CEP128: variants seen among roughly 807,000 people sequenced by gnomAD.
CEP128 encodes centrosomal protein 128.
CEP128 carries 132 observed loss-of-function variants against 156.7 expected under a neutral mutation model. That is an observed-to-expected ratio of 0.84 (90% CI 0.73 to 0.97). The LOEUF is 0.97. CEP128 is among the 50% of genes least tolerant of loss of function. The pLI is 0.00. For synonymous variants in CEP128, 469 were observed against 448.9 expected (o/e 1.04, Z -0.57); for missense variants, 1,252 against 1,281.9 (o/e 0.98, Z 0.36).
intron 19 of CEP128, among the ~76,000 whole-genome samples, chr14:80,726,588 G>A (rs1898029041): frequency 6.6e-6 from 1 of 152,178 alleles, no homozygotes. Context: ...ACACTCCAAA[G>A]ACACTAACAG....
intron 21 of CEP128, among the ~76,000 whole-genome samples, chr14:80,534,824 CAAAAA>C (rs371773612): frequency 1.7e-5 from 1 of 60,132 alleles, no homozygotes; most frequent in Non-Finnish European, 3.0e-5. Flanking sequence ...GATTCCGTCT[CAAAAA>C]AAAAAAAAAA....
At chr14:80,954,397 C>T (rs1188295239) in intron 2 of CEP128, among the ~76,000 whole-genome samples, 1 of 152,090 alleles carries the variant, frequency 6.6e-6, no homozygotes, top group Non-Finnish European at 1.5e-5. Context: ...TCGCGAGACA[C>T]TTGGTTCGTT....
intron 20 of CEP128, among the ~76,000 whole-genome samples, chr14:80,579,158 C>T (rs762415205): frequency 1.3e-5 from 2 of 152,120 alleles, no homozygotes; most frequent in Non-Finnish European, 2.9e-5. Flanking sequence ...TCTGGGTAAA[C>T]ACAACACACA....
At chr14:80,522,687 T>C (rs1311257351) in intron 23 of CEP128, among the ~76,000 whole-genome samples, 3 of 152,216 alleles carry the variant, frequency 2.0e-5, no homozygotes, top group Non-Finnish European at 4.4e-5. Flanking sequence ...CCTCTGTGAA[T>C]TCAAATTAGT....
At chr14:80,705,073 C>A (rs1196754372) in intron 19 of CEP128, among the ~76,000 whole-genome samples, 1 of 151,476 alleles carries the variant, frequency 6.6e-6, no homozygotes, top group Non-Finnish European at 1.5e-5. Context: ...ATATTGTAAA[C>A]ATAACTATAA....
At chr14:80,529,696 G>C (rs889690803) in intron 22 of CEP128, among the ~76,000 whole-genome samples, 1 of 152,158 alleles carries the variant, frequency 6.6e-6, no homozygotes, top group African/African-American at 2.4e-5. Flanking sequence ...ATCACACTGG[G>C]TTGTTTAAGA....
intron 21 of CEP128, among the ~76,000 whole-genome samples, chr14:80,543,383 C>G (rs142603239): frequency 6.6e-6 from 1 of 152,098 alleles, no homozygotes; most frequent in African/African-American, 2.4e-5. Context: ...TTAAAAGTAC[C>G]AATAATCTGA....
chr14:80,917,308 C>A (rs1448417565), intron 2 of CEP128, among the ~76,000 whole-genome samples: 1 of 151,818 alleles, frequency 6.6e-6, no homozygotes, highest in Non-Finnish European at 1.5e-5. Context: ...TTCAGGAAAC[C>A]TTTTAATAGA....
At chr14:80,692,306 T>C (rs1896746553) in intron 19 of CEP128, among the ~76,000 whole-genome samples, 2 of 152,202 alleles carry the variant, frequency 1.3e-5, no homozygotes, top group Admixed American at 6.5e-5. Context: ...CTCTAAATCA[T>C]ATCCAGAAAT....
At chr14:80,908,719 C>T (rs1884032666) in intron 4 of CEP128, among the ~76,000 whole-genome samples, 1 of 152,154 alleles carries the variant, frequency 6.6e-6, no homozygotes, top group Non-Finnish European at 1.5e-5. Context: ...AGACATTTTA[C>T]ATGAGAAGTT....
chr14:80,805,497 C>T (rs1884124681), intron 13 of CEP128, among the ~76,000 whole-genome samples: 1 of 152,040 alleles, frequency 6.6e-6, no homozygotes, highest in African/African-American at 2.4e-5. Context: ...AGTTTTATTT[C>T]CAGTACTAAC....
At chr14:80,810,453 CAT>C (rs1293665681) in intron 13 of CEP128, among the ~76,000 whole-genome samples, 1 of 148,322 alleles carries the variant, frequency 6.7e-6, no homozygotes, top group Non-Finnish European at 1.5e-5. Context: ...CATATTAAAA[CAT>C]ATAGATTGAC....
In CEP128 at chr14:80,587,974, G is replaced by C. The variant is rs575634744; in HGVS notation, c.2807-7551C>G. Among the ~76,000 whole-genome samples the C allele has an allele frequency of 3.3e-5, 5 of 152,106 alleles. 1 individual carries two copies. The East Asian group carries it at 9.7e-4, about 29-fold the overall frequency. On this transcript the variant is annotated intron_variant, in intron 19 of 24. Coordinates refer to ENST00000555265, the MANE Select transcript of CEP128 (RefSeq NM_152446.5). ...GTTCTAGACTCATAAGGTCAACTGG[G>C]TATACATTTTGGGGCTCAGAGAAGT...
At chr14:80,533,406 T>C (rs926014254) in intron 21 of CEP128, among the ~76,000 whole-genome samples, 2 of 152,216 alleles carry the variant, frequency 1.3e-5, no homozygotes, top group African/African-American at 4.8e-5. Context: ...AAAACTCATT[T>C]TGTGCTCAAA....
chr14:80,696,750 G>T (rs1227731336), intron 19 of CEP128, among the ~76,000 whole-genome samples: 1 of 152,134 alleles, frequency 6.6e-6, no homozygotes, highest in East Asian at 1.9e-4. Context: ...GTAGGTTGAA[G>T]AAAGAATGGG....
intron 19 of CEP128, among the ~76,000 whole-genome samples, chr14:80,741,527 G>A (rs1290920569): frequency 6.6e-6 from 1 of 152,048 alleles, no homozygotes; most frequent in Admixed American, 6.6e-5. Flanking sequence ...AAAAGTGTAT[G>A]ACAACATGGA....
At chr14:80,672,300 A>G (rs1895873975) in intron 19 of CEP128, among the ~76,000 whole-genome samples, 1 of 61,422 alleles carries the variant, frequency 1.6e-5, no homozygotes, top group Admixed American at 2.2e-4. Context: ...TGAGATACCT[A>G]ATAAGCCAAA....
At chr14:80,524,871 A>G (rs1040355918) in intron 23 of CEP128, among the ~76,000 whole-genome samples, 16 of 152,268 alleles carry the variant, frequency 1.1e-4, no homozygotes, top group East Asian at 5.8e-4. Flanking sequence ...AAATTTTCAA[A>G]TTTGTTTTTC....
At chr14:80,891,414 G>A (rs1446090890) in intron 8 of CEP128, among the ~76,000 whole-genome samples, 1 of 151,804 alleles carries the variant, frequency 6.6e-6, no homozygotes, top group Non-Finnish European at 1.5e-5. Flanking sequence ...AACATGAATA[G>A]AACTTGAGGC....
Sources: gnomAD v4.1 joint callset for allele counts (sites outside exome capture counted in the v4.1 genomes callset) on GRCh38, gnomAD v4.1.1 for gene constraint, MANE v1.5 for transcripts, NCBI Gene and HGNC (gene_info 2026-07-23, HGNC 2026-07-21) for gene names.